Variants in ZC3H12B observed in about 807,000 individuals in gnomAD.
The protein encoded by ZC3H12B is zinc finger CCCH-type containing 12B, also known as probable ribonuclease ZC3H12B.
ZC3H12B carries 7 observed loss-of-function variants against 43.9 expected under a neutral mutation model. The ratio of observed to expected loss-of-function variants is 0.16; its 90% CI spans 0.09 to 0.30. The LOEUF is 0.30. Among genes scored for constraint, ZC3H12B ranks in the 10% least tolerant of loss-of-function variants. The pLI is 1.00. For missense variants in ZC3H12B, 475 were observed against 670.2 expected, an observed-to-expected ratio of 0.71 and a Z score of 3.22; for synonymous variants, 222 against 241.7, an observed-to-expected ratio of 0.92 and a Z score of 0.76.
the ZC3H12B span, among the ~76,000 whole-genome samples, chrX:65,103,851 A>G: frequency 8.9e-6 from 1 of 111,749 alleles, no homozygotes; most frequent in Non-Finnish European, 1.9e-5. Flanking sequence ...TGCCCAAAGT[A>G]TTTGTAGATT....
chrX:65,097,340 A>G, the ZC3H12B span, among the ~76,000 whole-genome samples: 1 of 111,643 alleles, frequency 9.0e-6, no homozygotes, highest in East Asian at 2.8e-4. Context: ...GCTACTACCA[A>G]TTTCCTTTCT....
the ZC3H12B span, among the ~76,000 whole-genome samples, chrX:65,189,946 C>G: frequency 2.8e-5 from 3 of 108,882 alleles, no homozygotes; most frequent in Non-Finnish European, 5.7e-5. Flanking sequence ...ACGTTTAAAT[C>G]TTTAATCCAT....
chrX:65,418,946 A>G (rs1036219441), intron 3 of ZC3H12B, among the ~76,000 whole-genome samples: 3 of 111,888 alleles, frequency 2.7e-5, no homozygotes, highest in Admixed American at 9.5e-5. Flanking sequence ...AGAAAAAATT[A>G]CCAGACCTTC....
chrX:65,374,087 GTA>G (rs1268029016), intron 2 of ZC3H12B, among the ~76,000 whole-genome samples: 4 of 55,554 alleles, frequency 7.2e-5, no homozygotes, highest in African/African-American at 5.1e-4. Context: ...ACTATATATA[GTA>G]TATATATAAC....
At chrX:65,433,293 T>C (rs909638737) in intron 3 of ZC3H12B, among the ~76,000 whole-genome samples, 2 of 112,328 alleles carry the variant, frequency 1.8e-5, no homozygotes. Context: ...CCCCTGCATC[T>C]TTCAAGTCTT....
At chrX:65,279,942 G>A in the ZC3H12B span, among the ~76,000 whole-genome samples, 1 of 111,834 alleles carries the variant, frequency 8.9e-6, no homozygotes, top group Admixed American at 9.5e-5. Context: ...AAAAGAAATC[G>A]TATGGCTTAA....
chrX:65,298,508 A>G, the ZC3H12B span, among the ~76,000 whole-genome samples: 1 of 111,513 alleles, frequency 9.0e-6, no homozygotes, highest in African/African-American at 3.3e-5. Context: ...AGACTAGCAA[A>G]TTAAATTCAA....
At chrX:65,045,224 CA>C in the ZC3H12B span, among the ~76,000 whole-genome samples, 1 of 110,793 alleles carries the variant, frequency 9.0e-6, no homozygotes. Flanking sequence ...TAAAATAAGA[CA>C]AAAAAGGAAG....
At chrX:65,172,737 A>C in the ZC3H12B span, among the ~76,000 whole-genome samples, 4 of 111,466 alleles carry the variant, frequency 3.6e-5, no homozygotes, top group African/African-American at 1.3e-4. Flanking sequence ...ATTGTTCTAG[A>C]TGTGTGGCAT....
the ZC3H12B span, among the ~76,000 whole-genome samples, chrX:65,072,934 G>A: frequency 1.9e-4 from 21 of 112,607 alleles, no homozygotes; most frequent in Admixed American, 7.4e-4. Flanking sequence ...TGGGGTGTTG[G>A]CAGAAGCAGT....
intron 3 of ZC3H12B, among the ~76,000 whole-genome samples, chrX:65,453,265 G>T (rs1388886656): frequency 9.8e-6 from 1 of 101,649 alleles, no homozygotes; most frequent in African/African-American, 3.6e-5. Context: ...CAGAGGAAAA[G>T]AAGCCATTAT....
At chrX:65,236,597 G>A in the ZC3H12B span, among the ~76,000 whole-genome samples, 15,875 of 110,799 alleles carry the variant, frequency 0.14, 2,711 homozygotes, top group African/African-American at 0.49. Flanking sequence ...ATTGCTTTTG[G>A]CATTTTTATA....
chrX:65,250,226 G>A, the ZC3H12B span, among the ~76,000 whole-genome samples: 1 of 110,997 alleles, frequency 9.0e-6, no homozygotes, highest in South Asian at 3.8e-4. Context: ...TGAGAATGAT[G>A]GTTTCCAGCT....
chrX:65,175,106 C>T, the ZC3H12B span, among the ~76,000 whole-genome samples: 1 of 111,662 alleles, frequency 9.0e-6, no homozygotes, highest in Admixed American at 9.5e-5. Flanking sequence ...AGCACAGTTC[C>T]TTGCGGCTTC....
chrX:65,136,960 T>C, the ZC3H12B span, among the ~76,000 whole-genome samples: 1 of 112,005 alleles, frequency 8.9e-6, no homozygotes, highest in African/African-American at 3.2e-5. Flanking sequence ...CATGTGATTG[T>C]CTTTATAGCC....
the ZC3H12B span, among the ~76,000 whole-genome samples, chrX:65,188,175 A>G: frequency 2.7e-5 from 3 of 111,528 alleles, no homozygotes; most frequent in South Asian, 3.7e-4. Flanking sequence ...TCCATTGTGT[A>G]TATGAAACAC....
chrX:65,076,412 T>G, the ZC3H12B span, among the ~76,000 whole-genome samples: 1 of 111,560 alleles, frequency 9.0e-6, no homozygotes, highest in African/African-American at 3.3e-5. Context: ...GCACTGGGAT[T>G]ACAGGAATGA....
the ZC3H12B span, among the ~76,000 whole-genome samples, chrX:65,230,065 G>T: frequency 9.0e-6 from 1 of 111,040 alleles, no homozygotes; most frequent in Non-Finnish European, 1.9e-5. Context: ...AAATCTTGCT[G>T]CTATAAAGAC....
intron 2 of ZC3H12B, among the ~76,000 whole-genome samples, chrX:65,373,338 C>T (rs1457612135): frequency 9.0e-6 from 1 of 111,620 alleles, no homozygotes; most frequent in Non-Finnish European, 1.9e-5. Context: ...TGTGGTGATT[C>T]CTCAGGGACC....
Sources: gnomAD v4.1 joint callset for allele counts (sites outside exome capture counted in the v4.1 genomes callset) on GRCh38, gnomAD v4.1.1 for gene constraint, MANE v1.5 for transcripts, NCBI Gene and HGNC (gene_info 2026-07-23, HGNC 2026-07-21) for gene names.